The following APOLD1 variants were observed in gnomAD, a reference collection of about 807,000 sequenced individuals.
APOLD1 encodes apolipoprotein L domain containing 1.
Under a neutral mutation model 15.3 loss-of-function variants are expected in APOLD1, and 22 were observed. That is an observed-to-expected ratio of 1.44 (90% confidence interval 1.03 to 2.05). APOLD1 has a LOEUF of 2.05. Ranked by LOEUF, APOLD1 falls within the 30% of genes most tolerant of loss-of-function variation. The pLI, the probability that APOLD1 is intolerant of heterozygous loss-of-function variation, is 0.00. For synonymous variants in APOLD1, 190 were observed against 167.4 expected (o/e 1.13, Z -1.04); for missense variants, 394 against 353.5 (o/e 1.11, Z -0.92).
intron 1 of APOLD1, among the ~76,000 whole-genome samples, chr12:12,747,628 A>G (rs1046777133): frequency 6.6e-6 from 1 of 152,360 alleles, no homozygotes; most frequent in East Asian, 1.9e-4. Context: ...CAGTCCTATC[A>G]GGAATAAACT....
chr12:12,747,194 T>C (rs1173975169), intron 1 of APOLD1, among the ~76,000 whole-genome samples: 3 of 152,128 alleles, frequency 2.0e-5, no homozygotes, highest in Non-Finnish European at 4.4e-5. Flanking sequence ...TCACTGTAGC[T>C]TCGAATTCTT....
At chr12:12,762,952 C>T (rs999936658) in intron 1 of APOLD1, among the ~76,000 whole-genome samples, 5 of 151,968 alleles carry the variant, frequency 3.3e-5, no homozygotes, top group Non-Finnish European at 7.4e-5. Flanking sequence ...TGAAGACCAG[C>T]CTGGGCAACA....
At chr12:12,755,434 A>C (rs753952903) in intron 1 of APOLD1, among the ~76,000 whole-genome samples, 19 of 152,238 alleles carry the variant, frequency 1.2e-4, no homozygotes, top group Non-Finnish European at 1.9e-4. Flanking sequence ...AGATGAAAAA[A>C]TGTCTGCTTA....
chr12:12,783,552 A>C (rs1365185414), upstream of APOLD1, among the ~76,000 whole-genome samples: 3 of 151,224 alleles, frequency 2.0e-5, no homozygotes, highest in Non-Finnish European at 4.4e-5. Flanking sequence ...ACCTCAGGTG[A>C]TCCACCAGCC....
Position 12,785,661 on chromosome 12 carries a change from A to ATT in APOLD1, c.-28_-27dup, listed in dbSNP as rs1277029906. On this transcript the variant is annotated 5_prime_UTR_variant, in exon 1 of 2. Coordinates refer to ENST00000356591, the MANE Select transcript of APOLD1 (RefSeq NM_030817.3). ...CACACTCATCCAGAAACAGCCTCAGATTTTACTTTCCTGGAGGCAGACAGA... is the reference window on the plus strand; with the variant it reads ...CACACTCATCCAGAAACAGCCTCAGATTTTTTACTTTCCTGGAGGCAGACAGA... 1.2e-6 allele frequency: 2 copies of ATT among 1,614,048 alleles called. No individual in the cohort carries two copies. Among genetic ancestry groups the ATT allele is most frequent in the Non-Finnish European group, 1.7e-6 (2 of 1,180,034 alleles).
intron 1 of APOLD1, among the ~76,000 whole-genome samples, chr12:12,764,897 T>C (rs1766403375): frequency 1.3e-5 from 2 of 152,198 alleles, no homozygotes; most frequent in Admixed American, 1.3e-4. Flanking sequence ...AATAAAGATT[T>C]GTTTCTTATT....
At chr12:12,730,714 GTT>G (rs57016384) in intron 1 of APOLD1, among the ~76,000 whole-genome samples, 50,892 of 125,870 alleles carry the variant, frequency 0.4, 10,055 homozygotes, top group African/African-American at 0.53. Context: ...AAAGAAAAAA[GTT>G]TTTTTTTTTT....
At chr12:12,751,846 T>C (rs1032036542) in intron 1 of APOLD1, among the ~76,000 whole-genome samples, 1 of 152,172 alleles carries the variant, frequency 6.6e-6, no homozygotes, top group Non-Finnish European at 1.5e-5. Flanking sequence ...CATTGATCTC[T>C]ATAAGAAGGA....
chr12:12,758,150 A>C (rs1406933081), intron 1 of APOLD1, among the ~76,000 whole-genome samples: 2 of 144,050 alleles, frequency 1.4e-5, no homozygotes, highest in Admixed American at 7.1e-5. Flanking sequence ...GTTAGCCAGG[A>C]TGTTCTCCAT....
At chr12:12,761,847 A>C (rs2136386511) in intron 1 of APOLD1, among the ~76,000 whole-genome samples, 1 of 149,544 alleles carries the variant, frequency 6.7e-6, no homozygotes, top group African/African-American at 2.5e-5. Flanking sequence ...AGAGAGAGAG[A>C]GAGAGAGAGA....
At chr12:12,777,563 G>T (rs1265876989) in intron 1 of APOLD1, among the ~76,000 whole-genome samples, 1 of 152,126 alleles carries the variant, frequency 6.6e-6, no homozygotes, top group African/African-American at 2.4e-5. Flanking sequence ...TTCAATTTTG[G>T]CAGGATTTTA....
At chr12:12,746,510 A>AATAAATAAATACATAAATATAC in intron 1 of APOLD1, among the ~76,000 whole-genome samples, 1 of 149,952 alleles carries the variant, frequency 6.7e-6, no homozygotes, top group East Asian at 2.0e-4. Flanking sequence ...TAAATAAATA[A>AATAAATAAATACATAAATATAC]ATAAATACAT....
rs138073309 is a variant in APOLD1, at chr12:12,746,071, C to T, written c.96+19975C>T. 7.0e-4 allele frequency among the ~76,000 whole-genome samples: 106 copies of T among 152,198 alleles called. 2 individuals carry two copies. The highest frequency in any genetic ancestry group is 4.6e-3 in the South Asian group (22 of 4,830). ...GTGATCACTCAGGAAATTAATTTTA[C>T]GCCTTGCAGTGTGGCTATTTCATCC... On this transcript the variant is annotated intron_variant, in intron 1 of 1. Coordinates refer to the APOLD1 transcript ENST00000326765.
chr12:12,780,586 T>TTTTA (rs1167621666), intron 1 of APOLD1, among the ~76,000 whole-genome samples: 2 of 149,872 alleles, frequency 1.3e-5, no homozygotes, highest in African/African-American at 2.4e-5. Context: ...TTTATTTCAA[T>TTTTA]TTTATTTATT....
At position 12,786,995 on chromosome 12, in the gene APOLD1, G is replaced by C; in HGVS notation, c.90G>C (p.Arg30=). 1 of 1,419,670 alleles carries C rather than the reference G, an allele frequency of 7.0e-7. No individual in the cohort carries two copies. The highest frequency in any genetic ancestry group is 9.1e-7 in the Non-Finnish European group (1 of 1,098,286). 87.9% of individuals were successfully genotyped at this position (1,419,670 alleles called of 1,614,324 possible). The change falls in exon 2 of 2, where the codon CGG becomes CGC. Residue 30 remains arginine, a synonymous_variant. Transcript: ENST00000356591. ...GACTGCTGCTGGACCGCCGAGGCCGGCTGCACGGCCAGGTGCTGCGCCTGC... is the reference window on the plus strand; with the variant it reads ...GACTGCTGCTGGACCGCCGAGGCCGCCTGCACGGCCAGGTGCTGCGCCTGC... ...FQGLLLDRRG[R]LHGQVLRLRE... is the part of the protein sequence containing the mutation.
At chr12:12,751,217 G>A (rs1946810145) in intron 1 of APOLD1, among the ~76,000 whole-genome samples, 1 of 152,184 alleles carries the variant, frequency 6.6e-6, no homozygotes, top group South Asian at 2.1e-4. Flanking sequence ...CGTCATGAAG[G>A]TGGGGCAAGG....
intron 1 of APOLD1, among the ~76,000 whole-genome samples, chr12:12,749,266 T>G: frequency 6.6e-6 from 1 of 152,090 alleles, no homozygotes; most frequent in East Asian, 1.9e-4. Context: ...ATCTATAGAT[T>G]CTTTAGAAAA....
chr12:12,768,175 G>T (rs1206715591), intron 1 of APOLD1, among the ~76,000 whole-genome samples: 1 of 152,056 alleles, frequency 6.6e-6, no homozygotes, highest in Non-Finnish European at 1.5e-5. Flanking sequence ...GATGCTGAGG[G>T]ACAACTGTAC....
intron 1 of APOLD1, among the ~76,000 whole-genome samples, chr12:12,761,789 A>G (rs1291884458): frequency 6.9e-6 from 1 of 145,678 alleles, no homozygotes; most frequent in African/African-American, 2.7e-5. Context: ...GTTTGAATGA[A>G]CATATATATA....
Sources: gnomAD v4.1 joint callset for allele counts (sites outside exome capture counted in the v4.1 genomes callset) on GRCh38, gnomAD v4.1.1 for gene constraint, MANE v1.5 for transcripts, NCBI Gene and HGNC (gene_info 2026-07-23, HGNC 2026-07-21) for gene names.